Variants in MAP7 observed in about 807,000 individuals in gnomAD.
MAP7 encodes microtubule associated protein 7.
Under a neutral mutation model 94.8 loss-of-function variants are expected in MAP7, and 52 were observed. That is an observed-to-expected ratio of 0.55 (90% CI 0.44 to 0.69). The LOEUF is 0.69. MAP7 is among the 30% of genes least tolerant of loss of function. The pLI, the probability that MAP7 is intolerant of heterozygous loss-of-function variation, is 0.00. For synonymous variants in MAP7, 350 were observed against 357.0 expected, an observed-to-expected ratio of 0.98 and a Z score of 0.22; for missense variants, 940 against 964.6, an observed-to-expected ratio of 0.97 and a Z score of 0.34.
intron 17 of MAP7, among the ~76,000 whole-genome samples, chr6:136,345,385 T>G (rs1485143877): frequency 6.6e-6 from 1 of 152,206 alleles, no homozygotes; most frequent in South Asian, 2.1e-4. Context: ...ATTACCCAGG[T>G]TGCCAAACCC....
At chr6:136,414,024 C>T (rs1356526480) in intron 2 of MAP7, among the ~76,000 whole-genome samples, 41 of 150,210 alleles carry the variant, frequency 2.7e-4, no homozygotes, top group Non-Finnish European at 5.3e-4. Flanking sequence ...CCGAGGCGGG[C>T]GGATCACGAG....
intron 1 of MAP7, among the ~76,000 whole-genome samples, chr6:136,473,105 A>C (rs1031326553): frequency 1.3e-5 from 2 of 151,890 alleles, no homozygotes; most frequent in Non-Finnish European, 2.9e-5. Flanking sequence ...CTCTTCAATC[A>C]CCTCTGTTAA....
chr6:136,413,070 G>C (rs1582836816), intron 2 of MAP7, among the ~76,000 whole-genome samples: 1 of 152,180 alleles, frequency 6.6e-6, no homozygotes, highest in Non-Finnish European at 1.5e-5. Flanking sequence ...GCTGAGGCAG[G>C]AGAACGGCTT....
At chr6:136,368,484 C>A (rs536191607) in intron 8 of MAP7, among the ~76,000 whole-genome samples, 1 of 152,150 alleles carries the variant, frequency 6.6e-6, no homozygotes, top group Admixed American at 6.5e-5. Flanking sequence ...CCAACAGAGA[C>A]GATTCACTGA....
At chr6:136,446,812 C>A (rs1055793191) in intron 1 of MAP7, among the ~76,000 whole-genome samples, 3 of 152,152 alleles carry the variant, frequency 2.0e-5, no homozygotes, top group African/African-American at 4.8e-5. Context: ...ATATTAGACA[C>A]CCATATTCGA....
chr6:136,416,881 G>T lies in MAP7; in HGVS notation c.166+4820C>A, dbSNP rs150165665. 2.1e-3 allele frequency among the ~76,000 whole-genome samples: 317 copies of T among 152,290 alleles called. 3 individuals carry two copies. The highest frequency in any genetic ancestry group is 7.0e-3 in the African/African-American group (290 of 41,562). On this transcript the variant is annotated intron_variant, in intron 2 of 17. Transcript: ENST00000354570. ...AATCCCAACACTTTGGGAGGCCAAGGCAGGAGGATTGCTTGAGTCCAGGAG... is the reference window on the plus strand; with the variant it reads ...AATCCCAACACTTTGGGAGGCCAAGTCAGGAGGATTGCTTGAGTCCAGGAG...
At chr6:136,520,827 G>A (rs1826186754) in intron 1 of MAP7, among the ~76,000 whole-genome samples, 1 of 152,224 alleles carries the variant, frequency 6.6e-6, no homozygotes, top group Non-Finnish European at 1.5e-5. Context: ...ACATGATGGA[G>A]CAGGCAAATG....
intron 16 of MAP7, among the ~76,000 whole-genome samples, chr6:136,354,433 G>T (rs1790251747): frequency 7.2e-6 from 1 of 139,254 alleles, no homozygotes; most frequent in Non-Finnish European, 1.5e-5. Context: ...ATATATAGTA[G>T]ATATATATAT....
chr6:136,467,463 TGC>T (rs1290342180), intron 1 of MAP7, among the ~76,000 whole-genome samples: 1 of 152,208 alleles, frequency 6.6e-6, no homozygotes. Flanking sequence ...AAACTTGACT[TGC>T]TTTAGTAAGT....
intron 1 of MAP7, among the ~76,000 whole-genome samples, chr6:136,479,102 T>G (rs143942725): frequency 1.8e-4 from 28 of 151,766 alleles, no homozygotes; most frequent in South Asian, 1.7e-3. Flanking sequence ...TGATGAGCAC[T>G]GATACCAAAA....
At chr6:136,479,381 A>G (rs753446338) in intron 1 of MAP7, among the ~76,000 whole-genome samples, 2 of 152,256 alleles carry the variant, frequency 1.3e-5, no homozygotes, top group Non-Finnish European at 2.9e-5. Context: ...GCCATATATG[A>G]CAGACTCACA....
chr6:136,515,184 C>T (rs1824450340), intron 1 of MAP7, among the ~76,000 whole-genome samples: 1 of 152,174 alleles, frequency 6.6e-6, no homozygotes, highest in Non-Finnish European at 1.5e-5. Flanking sequence ...TAGTTTCAAA[C>T]TTTTTTTCTG....
chr6:136,402,775 G>A (rs1478678137), intron 3 of MAP7, among the ~76,000 whole-genome samples: 4 of 151,418 alleles, frequency 2.6e-5, no homozygotes, highest in South Asian at 2.1e-4. Context: ...GTGCGGTGGC[G>A]GGCGCCTGTA....
chr6:136,452,217 CA>C (rs1275392311), intron 1 of MAP7, among the ~76,000 whole-genome samples: 1 of 151,736 alleles, frequency 6.6e-6, no homozygotes, highest in Non-Finnish European at 1.5e-5. Context: ...CAAAACAAAA[CA>C]AAACAAAACA....
intron 1 of MAP7, among the ~76,000 whole-genome samples, chr6:136,521,658 G>A (rs573496366): frequency 1.3e-5 from 2 of 152,314 alleles, no homozygotes; most frequent in South Asian, 4.2e-4. Context: ...GCCTCTAGAA[G>A]TGTCTATCCA....
chr6:136,521,565 G>T (rs1413647247), intron 1 of MAP7, among the ~76,000 whole-genome samples: 2 of 152,176 alleles, frequency 1.3e-5, no homozygotes, highest in African/African-American at 4.8e-5. Flanking sequence ...TCAATCAGAT[G>T]ACTGCTTTAG....
In MAP7 at chr6:136,550,286, C is replaced by T. The variant is rs997996081; in HGVS notation, c.67+56G>A. The T allele has an allele frequency of 5.7e-6, 8 of 1,404,414 alleles. No individual in the cohort carries two copies. In the Admixed American group the frequency reaches 1.1e-4, roughly 19 times the overall value. 87.0% of individuals were successfully genotyped at this position (1,404,414 alleles called of 1,614,324 possible). A position where few individuals can be genotyped will look rare whatever the true frequency, so the allele number is the denominator to read the frequency against. On this transcript the variant is annotated intron_variant, in intron 1 of 17. Transcript: ENST00000354570. This position sits in a 1 kb window ranked among gnomAD's most constrained non-coding sequence, Gnocchi z 5.1. The stretch of plus-strand genomic sequence containing the variant: ...GGTGATTTCGGTGCCAGCCCGCCGG[C>T]CCCGCTCGCCGTCCCCTGCCCGACG...
At chr6:136,348,855 A>T (rs920098018) in intron 16 of MAP7, among the ~76,000 whole-genome samples, 4 of 151,456 alleles carry the variant, frequency 2.6e-5, no homozygotes, top group African/African-American at 9.7e-5. Flanking sequence ...CTTCTTATTT[A>T]AAAAAAAAGA....
intron 1 of MAP7, among the ~76,000 whole-genome samples, chr6:136,530,270 C>A (rs1210924451): frequency 6.6e-6 from 1 of 152,192 alleles, no homozygotes; most frequent in Admixed American, 6.5e-5. Flanking sequence ...TGGCCTGTCA[C>A]CAGTAAATTA....
Sources: allele counts gnomAD v4.1 joint callset (sites outside exome capture counted in the v4.1 genomes callset), GRCh38; gene constraint gnomAD v4.1.1; non-coding constraint Gnocchi (gnomAD v3.1); transcripts MANE v1.5; gene names NCBI Gene and HGNC (gene_info 2026-07-23, HGNC 2026-07-21).